The following YTHDC2 variants were observed in gnomAD, a reference collection of about 807,000 sequenced individuals.
YTHDC2 encodes the protein 3'-5' RNA helicase YTHDC2.
YTHDC2 carries 45 observed loss-of-function variants against 174.9 expected under a neutral mutation model. The observed-to-expected ratio is 0.26, with a 90% CI of 0.20 to 0.33. YTHDC2 has a LOEUF of 0.33. YTHDC2 is among the 10% of genes least tolerant of loss of function. The probability of loss-of-function intolerance (pLI) is 1.00; values close to 1 mark genes in which losing one functional copy is unlikely to be tolerated. For missense variants in YTHDC2, 1,650 were observed against 1,723.7 expected (o/e 0.96, Z 0.76); for synonymous variants, 657 against 574.5 (o/e 1.14, Z -2.05).
At position 113,515,363 on chromosome 5, in the gene YTHDC2, G is replaced by A; in HGVS notation, c.278+1G>A. 1 of 1,604,878 alleles carries A rather than the reference G, an allele frequency of 6.2e-7. No homozygotes were observed. Among genetic ancestry groups the A allele is most frequent in the Non-Finnish European group, 8.5e-7 (1 of 1,177,464 alleles). ...TTGGTTTGGTCTCTAAAAGTAAAGG[G>A]TAAGCTGGTAGCTTTTCTTATTTTT... On this transcript the variant is annotated splice_donor_variant, in intron 2 of 29. Transcript: ENST00000161863. LOFTEE classifies it high-confidence loss of function.
rs774041297 is a variant in YTHDC2 at position 113,526,633 on chromosome 5, C to T, written c.523C>T (p.Pro175Ser). The change falls in exon 4 of 30, where the codon CCT (proline) becomes TCT (serine). Residue 175 changes from proline (P) to serine (S), a missense_variant. By Grantham distance (74) the Pro-to-Ser change is moderately conservative. Around this residue, in one of 5 missense-constraint regions of YTHDC2, gnomAD observed 304 missense variants for 341.4 expected, o/e 0.89. Coordinates refer to ENST00000161863, the MANE Select transcript of YTHDC2 (RefSeq NM_022828.5). ...AAGTGGGCGACTCAACAATGGCATA[C>T]CTCAGATTCCAGTGAAAAGAGGAGA... ...KTSGRLNNGI[P>S]QIPVKRGESE... 1 of 1,596,326 alleles carries T rather than the reference C, an allele frequency of 6.3e-7. No homozygotes were observed.
At chr5:113,536,047 T>C (rs950433447) in intron 7 of YTHDC2, among the ~76,000 whole-genome samples, 1 of 152,232 alleles carries the variant, frequency 6.6e-6, no homozygotes. Flanking sequence ...CACTTTGTGT[T>C]CCTTCTTAAA....
At position 113,591,055 on chromosome 5, in the gene YTHDC2, T is replaced by A. The variant is rs760934787; in HGVS notation, c.3840T>A (p.Pro1280=). The A allele has an allele frequency of 1.2e-6, 2 of 1,613,576 alleles. No individual in the cohort carries two copies. The highest frequency in any genetic ancestry group is 2.7e-5 in the African/African-American group (2 of 74,894). ...TTCTTTTATAGGGCTCAAAATCTCC[T>A]TCGCCAAGACCAAACATGCCTGTTC... ...PPSSGKGSKS[P]SPRPNMPVRY... Residue 1280 remains proline (P), a synonymous_variant, in exon 27 of 30, where the codon CCT becomes CCA. Coordinates refer to ENST00000161863, the MANE Select transcript of YTHDC2 (RefSeq NM_022828.5).
intron 1 of YTHDC2, among the ~76,000 whole-genome samples, chr5:113,514,753 T>G (rs1350959773): frequency 6.6e-6 from 1 of 151,968 alleles, no homozygotes; most frequent in Non-Finnish European, 1.5e-5. Flanking sequence ...AAATTCACAT[T>G]AAAAAAAGAG....
intron 2 of YTHDC2, among the ~76,000 whole-genome samples, chr5:113,523,133 T>C (rs1773991410): frequency 6.6e-6 from 1 of 152,152 alleles, no homozygotes; most frequent in South Asian, 2.1e-4. Context: ...AGTCAGTGTT[T>C]AGTTAATAGA....
At chr5:113,536,627 A>G (rs911919469) in intron 7 of YTHDC2, among the ~76,000 whole-genome samples, 3 of 152,232 alleles carry the variant, frequency 2.0e-5, no homozygotes, top group African/African-American at 4.8e-5. Flanking sequence ...TCCTTGTTCC[A>G]TGTCCTACTT....
intron 26 of YTHDC2, among the ~76,000 whole-genome samples, chr5:113,586,311 G>T (rs1285547932): frequency 3.3e-5 from 5 of 151,942 alleles, no homozygotes; most frequent in African/African-American, 1.2e-4. Context: ...TCATCTTTGT[G>T]AAATGTCTGT....
At chr5:113,526,498 C>T in intron 3 of YTHDC2, 88 bp from the exon 4 acceptor site, 1 of 1,046,268 alleles carries the variant, frequency 9.6e-7, no homozygotes, top group Non-Finnish European at 1.3e-6. Flanking sequence ...GCATGTTTTT[C>T]TAGGTTTGGC....
intron 2 of YTHDC2, among the ~76,000 whole-genome samples, chr5:113,518,135 G>A (rs766438587): frequency 2.0e-5 from 3 of 150,598 alleles, no homozygotes; most frequent in African/African-American, 4.9e-5. Context: ...TGATCTGCCC[G>A]CCTTGGCCTC....
At chr5:113,555,505 A>C (rs1373113672) in intron 16 of YTHDC2, among the ~76,000 whole-genome samples, 1 of 152,062 alleles carries the variant, frequency 6.6e-6, no homozygotes, top group Non-Finnish European at 1.5e-5. Context: ...GTTCTTTTTT[A>C]CTTTCTTCAT....
intron 10 of YTHDC2, among the ~76,000 whole-genome samples, chr5:113,545,595 G>T (rs1262321803): frequency 1.3e-5 from 2 of 152,016 alleles, no homozygotes; most frequent in Non-Finnish European, 2.9e-5. Flanking sequence ...TTGTTGAAGA[G>T]CTGGCCAGGC....
At chr5:113,545,591 A>G (rs186820710) in intron 10 of YTHDC2, among the ~76,000 whole-genome samples, 1 of 152,078 alleles carries the variant, frequency 6.6e-6, no homozygotes, top group East Asian at 1.9e-4. Context: ...TCTTTTGTTG[A>G]AGAGCTGGCC....
intron 4 of YTHDC2, among the ~76,000 whole-genome samples, chr5:113,527,041 A>G (rs1259864171): frequency 6.6e-6 from 1 of 152,112 alleles, no homozygotes; most frequent in Admixed American, 6.5e-5. Context: ...GCCTTTATTT[A>G]AACAGAGTTG....
At chr5:113,561,058 A>T in intron 17 of YTHDC2, 22 bp from the exon 18 acceptor site, 1 of 1,577,874 alleles carries the variant, frequency 6.3e-7, no homozygotes, top group Non-Finnish European at 8.6e-7. Context: ...TTTGAGTCCT[A>T]ATCTTGTACT....
intron 16 of YTHDC2, among the ~76,000 whole-genome samples, chr5:113,554,469 G>C (rs538024374): frequency 3.9e-5 from 6 of 152,038 alleles, no homozygotes; most frequent in South Asian, 2.1e-4. Flanking sequence ...ACCTATAGCA[G>C]GTGTTCAAAA....
At position 113,593,466 on chromosome 5, in the gene YTHDC2, T is replaced by A; in HGVS notation, c.*8-16T>A. 2 of 1,177,632 alleles carry A rather than the reference T, an allele frequency of 1.7e-6. No individual in the cohort carries two copies. The highest frequency in any genetic ancestry group is 4.9e-5 in the East Asian group (2 of 41,052). 72.9% of individuals were successfully genotyped at this position (1,177,632 alleles called of 1,614,324 possible). On this transcript the variant is annotated splice_polypyrimidine_tract_variant and intron_variant, in intron 29 of 29. Coordinates refer to ENST00000161863, the MANE Select transcript of YTHDC2 (RefSeq NM_022828.5). ...CCTTTCAGATTATTTATCTTTTTTT[T>A]TCCCCTTTCTTCTAGAACTCTTAGC...
At chr5:113,570,561 C>T (rs951420134) in intron 23 of YTHDC2, among the ~76,000 whole-genome samples, 9 of 152,082 alleles carry the variant, frequency 5.9e-5, no homozygotes, top group Non-Finnish European at 1.0e-4. Flanking sequence ...GCTTAAGAAG[C>T]TTTTGGACTG....
At position 113,524,967 on chromosome 5, in the gene YTHDC2, T is replaced by A; in HGVS notation, c.279-14T>A. 6.4e-7 allele frequency: 1 copy of A among 1,553,012 alleles called. No individual in the cohort carries two copies. Among genetic ancestry groups the A allele is most frequent in the Middle Eastern group, 1.8e-4 (1 of 5,428 alleles). ...ACTTTATATAGTAAATAAATGATTT[T>A]TATTAATATTCAGAAAGGGAGCAAA... On this transcript the variant is annotated splice_polypyrimidine_tract_variant and intron_variant, in intron 2 of 29. Transcript: ENST00000161863.
At chr5:113,535,823 C>G in intron 7 of YTHDC2, 25 bp downstream of exon 7, 2 of 1,529,260 alleles carry the variant, frequency 1.3e-6, no homozygotes, top group South Asian at 2.5e-5. Context: ...CAGATTTCTT[C>G]TATAATTTTT....
Sources: gnomAD v4.1 joint callset for allele counts (sites outside exome capture counted in the v4.1 genomes callset) on GRCh38, gnomAD v4.1.1 for gene constraint, gnomAD v4.1.1 regional missense constraint, MANE v1.5 for transcripts, NCBI Gene and HGNC (gene_info 2026-07-23, HGNC 2026-07-21) for gene names.